ATAD3B: variants seen among roughly 807,000 people sequenced by gnomAD.
ATAD3B encodes the protein ATPase family AAA domain containing 3B.
In ATAD3B, 59 loss-of-function variants were observed where a neutral mutation model predicts 70.2. The ratio of observed to expected loss-of-function variants is 0.84; its 90% CI spans 0.68 to 1.04. The LOEUF (loss-of-function observed/expected upper bound fraction) is 1.04, where lower values mean the gene tolerates loss of function less well. Ranked by LOEUF, ATAD3B falls within the 50% of genes least tolerant of loss-of-function variation. ATAD3B has a pLI of 0.00. For missense variants in ATAD3B, 961 were observed against 913.4 expected (o/e 1.05, Z -0.67); for synonymous variants, 423 against 388.6 (o/e 1.09, Z -1.04).
At chr1:1,478,531 C>A in intron 2 of ATAD3B, 113 bp from the exon 3 acceptor site, 1 of 1,550,100 alleles carries the variant, frequency 6.5e-7, no homozygotes, top group South Asian at 1.2e-5. Flanking sequence ...CTGCTGCACA[C>A]ACTAGTCTGG....
Position 1,482,199 on chromosome 1 carries a change from G to C in ATAD3B, c.576G>C (p.Glu192Asp). Residue 192 changes from glutamate (E) to aspartate (D), a missense_variant, in exon 6 of 16, where the codon GAG becomes GAC. By Grantham distance (45) the Glu-to-Asp change is conservative. Transcript: ENST00000673477. ...ATGAGATGCTGCGAGTGGAGACCGA[G>C]GCCCGGGCGCGCGCCAAGGCCGAGC... Reference protein sequence around the residue: ...HKNEMLRVETEARARAKAERE... With the variant: ...HKNEMLRVETDARARAKAERE... 1 of 1,611,144 alleles carries C rather than the reference G, an allele frequency of 6.2e-7. No homozygotes were observed. Among genetic ancestry groups the C allele is most frequent in the African/African-American group, 1.3e-5 (1 of 74,980 alleles).
chr1:1,483,119 G>A (rs1160004481), intron 7 of ATAD3B: 4 of 423,214 alleles, frequency 9.5e-6, no homozygotes, highest in Non-Finnish European at 1.9e-5. Context: ...GTGAAACCCT[G>A]TCTCTACTAA....
chr1:1,502,615 G>C (rs1012722638), downstream of ATAD3B, among the ~76,000 whole-genome samples: 3 of 146,590 alleles, frequency 2.0e-5, no homozygotes, highest in African/African-American at 7.6e-5. Flanking sequence ...GGGTTCAAGT[G>C]ATTCTCCAGC....
chr1:1,498,917 G>A (rs1426297117), downstream of ATAD3B, among the ~76,000 whole-genome samples: 1 of 151,846 alleles, frequency 6.6e-6, no homozygotes, highest in African/African-American at 2.4e-5. Flanking sequence ...CAAGGGAGGG[G>A]AAGGGGTTCT....
At chr1:1,480,615 G>A (rs1346202808) in intron 4 of ATAD3B, among the ~76,000 whole-genome samples, 1 of 147,388 alleles carries the variant, frequency 6.8e-6, no homozygotes, top group Admixed American at 6.9e-5. Flanking sequence ...GCCCGCGGTG[G>A]CCCTTGTCAG....
intron 2 of ATAD3B, among the ~76,000 whole-genome samples, chr1:1,477,699 T>C (rs1316222945): frequency 6.6e-6 from 1 of 151,224 alleles, no homozygotes; most frequent in Non-Finnish European, 1.5e-5. Flanking sequence ...TTTATTTTAT[T>C]TTATTTTATT....
In ATAD3B at chr1:1,471,845, TG is replaced by T; in HGVS notation, c.-35del. 7.9e-7 allele frequency: 1 copy of T among 1,263,944 alleles called. No individual in the cohort carries two copies. 78.3% of individuals were successfully genotyped at this position (1,263,944 alleles called of 1,614,324 possible). ...CAGCCGCGCCCGAGTCAGACTCGGGTGGGGGTCCCGGCGGCGGTAGCGGCGG... is the reference window on the plus strand; with the variant it reads ...CAGCCGCGCCCGAGTCAGACTCGGGTGGGGTCCCGGCGGCGGTAGCGGCGG... On this transcript the variant is annotated 5_prime_UTR_variant, in exon 1 of 16. Transcript: ENST00000673477.
In ATAD3B at chr1:1,482,953, A is replaced by G. The variant is rs1640001312; in HGVS notation, c.750+339A>G. The G allele has an allele frequency of 3.1e-5, 15 of 490,470 alleles. 1 individual carries two copies. Among genetic ancestry groups the G allele is most frequent in the South Asian group, 2.0e-4 (13 of 64,254 alleles). 30.4% of individuals were successfully genotyped at this position (490,470 alleles called of 1,614,324 possible). ...GAGGTTTGGGCTGCAGTGAGCCAAC[A>G]TTGCACCACTGCACTCCATTCTTGG... On this transcript the variant is annotated intron_variant, in intron 7 of 15. Coordinates refer to ENST00000673477, the MANE Select transcript of ATAD3B (RefSeq NM_031921.6).
At chr1:1,507,268 G>A in the ATAD3B span, among the ~76,000 whole-genome samples, 1 of 152,148 alleles carries the variant, frequency 6.6e-6, no homozygotes, top group African/African-American at 2.4e-5. Flanking sequence ...CAGAGGAAAA[G>A]CTTCCAGTTT....
Position 1,484,976 on chromosome 1 carries a change from C to A in ATAD3B, c.751-40C>A, listed in dbSNP as rs577816658. The A allele has an allele frequency of 4.2e-4, 657 of 1,579,086 alleles. 9 individuals carry two copies. In the East Asian group the frequency reaches 0.012, roughly 29 times the overall value. ...CGTCTCCTGCTCTAGGAGGGAGGGA[C>A]GGTGGGGGCCGGTGCGCCAGTGCGG... On this transcript the variant is annotated intron_variant, in intron 7 of 15. Coordinates refer to ENST00000673477, the MANE Select transcript of ATAD3B (RefSeq NM_031921.6).
chr1:1,495,375 G>A lies in ATAD3B; in HGVS notation c.1615-110G>A, dbSNP rs968653025. ...GTGGGAAGCCTGTGTTTCACCCTGA[G>A]GTTGTCCTGGTGCCCCTGGTTTGGC... On this transcript the variant is annotated intron_variant, in intron 15 of 15. Coordinates refer to ENST00000673477, the MANE Select transcript of ATAD3B (RefSeq NM_031921.6). The A allele has an allele frequency of 2.1e-6, 3 of 1,411,038 alleles. No homozygotes were observed. The African/African-American group carries it at 4.3e-5, about 20-fold the overall frequency. The allele number at this position is 1,411,038 out of a possible 1,614,324, so 87.4% of individuals were successfully genotyped here.
At chr1:1,472,933 C>T (rs376767945) in intron 1 of ATAD3B, among the ~76,000 whole-genome samples, 2 of 150,712 alleles carry the variant, frequency 1.3e-5, no homozygotes, top group Non-Finnish European at 1.5e-5. Flanking sequence ...TCCGATTCTC[C>T]TGCCGCAGCC....
chr1:1,491,023 A>C (rs1015189816), intron 15 of ATAD3B, among the ~76,000 whole-genome samples: 1 of 151,936 alleles, frequency 6.6e-6, no homozygotes, highest in Non-Finnish European at 1.5e-5. Flanking sequence ...TCGTCAGGAC[A>C]GGCCCCGTGT....
intron 13 of ATAD3B, chr1:1,489,782 C>T (rs111957441): frequency 5.4e-6 from 7 of 1,296,598 alleles, no homozygotes; most frequent in African/African-American, 3.0e-5. Flanking sequence ...CAGCTGCTGC[C>T]GTTCGACGCT....
intron 9 of ATAD3B, 43 bp downstream of exon 9, chr1:1,485,881 C>G: frequency 6.2e-7 from 1 of 1,612,218 alleles, no homozygotes; most frequent in Middle Eastern, 1.9e-4. Flanking sequence ...AGGGAGGGGA[C>G]CCCGGAGCTG....
chr1:1,503,327 G>C, the ATAD3B span: 4 of 450,014 alleles, frequency 8.9e-6, no homozygotes, highest in Non-Finnish European at 1.6e-5. Flanking sequence ...TCCCGTCCAC[G>C]TGGGATGGCC....
chr1:1,488,146 G>T (rs1246725912), intron 12 of ATAD3B, among the ~76,000 whole-genome samples: 1 of 151,948 alleles, frequency 6.6e-6, no homozygotes, highest in Admixed American at 6.6e-5. Flanking sequence ...TAGTAGAGAT[G>T]GGGTTTCACC....
In ATAD3B at chr1:1,482,171, A is replaced by G; in HGVS notation, c.548A>G (p.Lys183Arg). 2.5e-6 allele frequency: 4 copies of G among 1,610,616 alleles called. No individual in the cohort carries two copies. Among genetic ancestry groups the G allele is most frequent in the Non-Finnish European group, 2.5e-6 (3 of 1,179,132 alleles). Residue 183 changes from lysine to arginine, a missense_variant, in exon 6 of 16, where the codon AAG becomes AGG. Lys to Arg is a conservative substitution (Grantham distance 26, BLOSUM62 2). Transcript: ENST00000673477. ...TVEREMELRH[K>R]NEMLRVETEA... Reference sequence around the variant, plus strand: ...GAGCGGGAGATGGAGCTGCGGCACAAGAATGAGATGCTGCGAGTGGAGACC... The same window carrying G: ...GAGCGGGAGATGGAGCTGCGGCACAGGAATGAGATGCTGCGAGTGGAGACC...
chr1:1,474,580 A>G (rs904054056), intron 1 of ATAD3B, among the ~76,000 whole-genome samples: 3 of 151,452 alleles, frequency 2.0e-5, no homozygotes, highest in African/African-American at 7.3e-5. Flanking sequence ...GCTCACTGCA[A>G]CCTTTGCCTT....
Sources: allele counts gnomAD v4.1 joint callset (sites outside exome capture counted in the v4.1 genomes callset), GRCh38; gene constraint gnomAD v4.1.1; transcripts MANE v1.5; gene names NCBI Gene and HGNC (gene_info 2026-07-23, HGNC 2026-07-21).